The following PTPRK variants were observed in gnomAD, a reference collection of about 807,000 sequenced individuals.
PTPRK encodes the protein protein tyrosine phosphatase receptor type K.
A neutral mutation model predicts 178.0 loss-of-function variants in PTPRK; 75 were observed. That is an observed-to-expected ratio of 0.42 (90% CI 0.35 to 0.51). The LOEUF is 0.51. Among genes scored for constraint, PTPRK ranks in the 20% least tolerant of loss-of-function variants. PTPRK has a pLI of 0.02. For synonymous variants in PTPRK, 637 were observed against 620.6 expected (o/e 1.03, Z -0.39); for missense variants, 1,441 against 1,797.8 (o/e 0.80, Z 3.59).
At chr6:128,029,175 T>A (rs1169458488) in intron 13 of PTPRK, among the ~76,000 whole-genome samples, 1 of 152,088 alleles carries the variant, frequency 6.6e-6, no homozygotes, top group Non-Finnish European at 1.5e-5. Context: ...TCTTGTGAGA[T>A]CTGGTTGTTT....
chr6:128,116,809 A>C (rs1293660857), intron 7 of PTPRK, among the ~76,000 whole-genome samples: 1 of 152,202 alleles, frequency 6.6e-6, no homozygotes, highest in African/African-American at 2.4e-5. Flanking sequence ...GAAGAGACAA[A>C]ATTGTCATTA....
intron 1 of PTPRK, among the ~76,000 whole-genome samples, chr6:128,432,745 A>AAC (rs4053237): frequency 0.013 from 1,905 of 146,250 alleles, 16 homozygotes; most frequent in South Asian, 0.044. Flanking sequence ...TGTGTTCACA[A>AAC]ACACACACAC....
At chr6:128,171,110 G>A (rs919413247) in intron 7 of PTPRK, among the ~76,000 whole-genome samples, 36 of 152,042 alleles carry the variant, frequency 2.4e-4, no homozygotes, top group Middle Eastern at 3.4e-3. Flanking sequence ...GAAGGAGTGA[G>A]GTCTAGGTGG....
intron 5 of PTPRK, among the ~76,000 whole-genome samples, chr6:128,222,579 G>C (rs1318658917): frequency 6.6e-6 from 1 of 152,140 alleles, no homozygotes; most frequent in Non-Finnish European, 1.5e-5. Flanking sequence ...CCTGTGCTGT[G>C]ACAGTTTCCT....
intron 1 of PTPRK, among the ~76,000 whole-genome samples, chr6:128,435,053 G>C (rs1845352843): frequency 1.8e-5 from 1 of 56,760 alleles, no homozygotes; most frequent in African/African-American, 1.2e-4. Context: ...AGGCAGGAAG[G>C]AAGGAAGGAA....
rs78417610 is a variant in PTPRK at position 128,308,749 on chromosome 6, A to G, written c.495+13290T>C. 1.1e-4 allele frequency among the ~76,000 whole-genome samples: 17 copies of G among 152,338 alleles called. 1 individual carries two copies. The East Asian group carries it at 3.3e-3, about 29-fold the overall frequency. On this transcript the variant is annotated intron_variant, in intron 3 of 29. Transcript: ENST00000368226. ...AAGTAAAAACCACCCTACGAAGTCC[A>G]GCTATGAAGAACATATGTCCAGAAA...
At position 128,091,643 on chromosome 6, in the gene PTPRK, C is replaced by A. The variant is rs192687214; in HGVS notation, c.1163-1651G>T. On this transcript the variant is annotated intron_variant, in intron 7 of 29. Transcript: ENST00000368226. ...ACCTAGAGTATATGAGCAAACAATG[C>A]CTATACAGCAATGAGAGAAACACCA... Among the ~76,000 whole-genome samples the A allele has an allele frequency of 1.8e-3, 271 of 152,232 alleles. 1 individual carries two copies. The highest frequency in any genetic ancestry group is 6.2e-3 in the African/African-American group (259 of 41,544).
chr6:128,463,562 T>C lies in PTPRK; in HGVS notation c.100+56697A>G, dbSNP rs189079924. 8.3e-3 allele frequency among the ~76,000 whole-genome samples: 1,270 copies of C among 152,260 alleles called. 11 individuals carry two copies. The highest frequency in any genetic ancestry group is 0.031 in the Middle Eastern group (9 of 294). On this transcript the variant is annotated intron_variant, in intron 1 of 29. Transcript: ENST00000368226. ...TCAGCATTTAGCTCTATAACATTGA[T>C]ATTTTATCTTAAGTAGTTTTATATA...
At chr6:128,421,159 T>C (rs1326569236) in intron 1 of PTPRK, among the ~76,000 whole-genome samples, 1 of 152,244 alleles carries the variant, frequency 6.6e-6, no homozygotes, top group Non-Finnish European at 1.5e-5. Context: ...AAATTCACTG[T>C]ATTTTTAGTA....
intron 2 of PTPRK, among the ~76,000 whole-genome samples, chr6:128,378,767 A>G (rs948590799): frequency 1.3e-5 from 2 of 152,108 alleles, no homozygotes; most frequent in Non-Finnish European, 2.9e-5. Flanking sequence ...AATTTTACAG[A>G]GCAGAATTTT....
At chr6:128,140,245 G>A (rs1190411471) in intron 7 of PTPRK, among the ~76,000 whole-genome samples, 2 of 151,916 alleles carry the variant, frequency 1.3e-5, no homozygotes, top group South Asian at 4.1e-4. Context: ...CTTACAGTCA[G>A]ATCAACAAAT....
rs1828888554 is a variant in PTPRK at position 128,322,175 on chromosome 6, G to A, written c.359C>T (p.Pro120Leu). Residue 120 changes from proline to leucine, a missense_variant, in exon 3 of 30, where the codon CCT becomes CTT. Physicochemically the swap from Pro to Leu is moderately conservative, Grantham distance 98. Around this residue, in one of 4 missense-constraint regions of PTPRK, gnomAD observed 158 missense variants for 188.0 expected, o/e 0.84. Coordinates refer to ENST00000368226, the MANE Select transcript of PTPRK (RefSeq NM_002844.4). Reference sequence around the variant, plus strand: ...CCTAACTAATATGTTCAAAGTGCCAGGATTCAGTCCTTTCTGGCTATATAA... The same window carrying A: ...CCTAACTAATATGTTCAAAGTGCCAAGATTCAGTCCTTTCTGGCTATATAA... ...YLLYSQKGLN[P>L]GTLNILVRVN... 1 of 1,613,774 alleles carries A rather than the reference G, an allele frequency of 6.2e-7. No individual in the cohort carries two copies. The highest frequency in any genetic ancestry group is 1.3e-5 in the African/African-American group (1 of 74,860).
At chr6:128,321,199 T>C (rs1044684442) in intron 3 of PTPRK, 4 of 152,392 alleles carry the variant, frequency 2.6e-5, no homozygotes, top group African/African-American at 7.2e-5. Flanking sequence ...GTATTCTCTT[T>C]AGGCTTTATA....
chr6:128,127,388 G>A (rs1365719409), intron 7 of PTPRK, among the ~76,000 whole-genome samples: 1 of 152,192 alleles, frequency 6.6e-6, no homozygotes, highest in Non-Finnish European at 1.5e-5. Context: ...AGGAAGAACT[G>A]ACATCTTAAC....
rs540174997 is a variant in PTPRK, at chr6:128,273,001, C to T, written c.496-30399G>A. The stretch of plus-strand genomic sequence containing the variant: ...TAGACTGGATTAAGAAAATGTGGCA[C>T]ATATACACCATTGAATACTATGCAG... On this transcript the variant is annotated intron_variant, in intron 3 of 29. Transcript: ENST00000368226. 6.4e-3 allele frequency among the ~76,000 whole-genome samples: 976 copies of T among 152,294 alleles called. 9 individuals are homozygous for T. The highest frequency in any genetic ancestry group is 0.023 in the African/African-American group (943 of 41,552).
At chr6:128,453,380 T>C (rs911965939) in intron 1 of PTPRK, among the ~76,000 whole-genome samples, 9 of 152,248 alleles carry the variant, frequency 5.9e-5, no homozygotes, top group Admixed American at 1.3e-4. Flanking sequence ...TTTAGACAAG[T>C]AGATAAATTT....
chr6:128,211,263 T>G (rs1404129382), intron 6 of PTPRK, among the ~76,000 whole-genome samples: 1 of 152,208 alleles, frequency 6.6e-6, no homozygotes, highest in African/African-American at 2.4e-5. Context: ...AATTCTCACT[T>G]TTAATACTGA....
At chr6:128,470,340 A>G (rs1417066820) in intron 1 of PTPRK, among the ~76,000 whole-genome samples, 1 of 151,850 alleles carries the variant, frequency 6.6e-6, no homozygotes, top group East Asian at 1.9e-4. Context: ...CCTGAATGCT[A>G]ATTATGAAGT....
intron 6 of PTPRK, among the ~76,000 whole-genome samples, chr6:128,200,740 T>C (rs984675687): frequency 2.3e-4 from 35 of 149,006 alleles, no homozygotes; most frequent in Non-Finnish European, 7.4e-5. Context: ...AGTTTTCTAA[T>C]GCTATTTTAT....
Sources: allele counts gnomAD v4.1 joint callset (sites outside exome capture counted in the v4.1 genomes callset), GRCh38; gene constraint gnomAD v4.1.1; regional missense constraint gnomAD v4.1.1; transcripts MANE v1.5; gene names NCBI Gene and HGNC (gene_info 2026-07-23, HGNC 2026-07-21).